The following SLC24A2 variants were observed in gnomAD, a reference collection of about 807,000 sequenced individuals.
The protein encoded by SLC24A2 is solute carrier family 24 member 2, also known as sodium/potassium/calcium exchanger 2.
Under a neutral mutation model 62.0 loss-of-function variants are expected in SLC24A2, and 36 were observed. The observed-to-expected ratio is 0.58, with a 90% CI of 0.44 to 0.77. SLC24A2 has a LOEUF of 0.77. Among genes scored for constraint, SLC24A2 ranks in the 30% least tolerant of loss-of-function variants. SLC24A2 has a pLI of 0.00. For synonymous variants in SLC24A2, 358 were observed against 294.0 expected (o/e 1.22, Z -2.23); for missense variants, 846 against 817.9 (o/e 1.03, Z -0.42).
the SLC24A2 span, among the ~76,000 whole-genome samples, chr9:20,086,790 G>T: frequency 1.3e-5 from 2 of 152,044 alleles, no homozygotes; most frequent in African/African-American, 4.8e-5. Context: ...TTTTCTTTTT[G>T]TTCCTGCCCG....
chr9:19,943,678 C>A, the SLC24A2 span, among the ~76,000 whole-genome samples: 1 of 152,022 alleles, frequency 6.6e-6, no homozygotes, highest in Non-Finnish European at 1.5e-5. Context: ...TATTTCTGAC[C>A]CAAGACACAG....
At chr9:20,143,676 A>G in the SLC24A2 span, among the ~76,000 whole-genome samples, 2 of 152,236 alleles carry the variant, frequency 1.3e-5, no homozygotes, top group African/African-American at 4.8e-5. Flanking sequence ...AGAGCTATTT[A>G]AATTCCCTAC....
At position 19,573,450 on chromosome 9, in the gene SLC24A2, G is replaced by A; in HGVS notation, c.1248C>T (p.Asn416=). Residue 416 remains asparagine (N), a synonymous_variant, in exon 7 of 11, where the codon AAC becomes AAT. Transcript: ENST00000341998. The stretch of plus-strand genomic sequence containing the variant: ...TCATTTCAACATCTGTGCTGGTGCT[G>A]TTTGGAAGCTCAATTTTTTCTGTGA... ...ANHVEKIELP[N]STSTDVEMTP... is the part of the protein sequence containing the mutation. 1.2e-6 allele frequency: 2 copies of A among 1,608,468 alleles called. No individual in the cohort carries two copies. The highest frequency in any genetic ancestry group is 1.7e-6 in the Non-Finnish European group (2 of 1,176,906).
the SLC24A2 span, among the ~76,000 whole-genome samples, chr9:19,995,034 G>C: frequency 6.6e-6 from 1 of 151,224 alleles, no homozygotes; most frequent in African/African-American, 2.4e-5. Context: ...TTAATTTGGC[G>C]GATGGTGAGG....
At chr9:20,040,604 C>T in the SLC24A2 span, among the ~76,000 whole-genome samples, 8 of 152,196 alleles carry the variant, frequency 5.3e-5, no homozygotes, top group East Asian at 1.2e-3. Flanking sequence ...TCTACTTTTC[C>T]AAGATCCACT....
the SLC24A2 span, among the ~76,000 whole-genome samples, chr9:19,991,081 T>C: frequency 6.0e-5 from 9 of 149,480 alleles, no homozygotes; most frequent in Admixed American, 6.0e-4. Context: ...TGAAAAGGAG[T>C]TTATTAAGGA....
At chr9:19,525,624 G>C (rs528974696) in intron 9 of SLC24A2, among the ~76,000 whole-genome samples, 1 of 151,272 alleles carries the variant, frequency 6.6e-6, no homozygotes, top group Non-Finnish European at 1.5e-5. Flanking sequence ...GGCTGATCTC[G>C]AACTCCTGGG....
At chr9:20,213,454 G>C in the SLC24A2 span, among the ~76,000 whole-genome samples, 4 of 148,690 alleles carry the variant, frequency 2.7e-5, no homozygotes, top group Non-Finnish European at 5.9e-5. Flanking sequence ...ACTGATACAA[G>C]GGATTAATGA....
chr9:19,771,075 G>T (rs892088592), intron 2 of SLC24A2, among the ~76,000 whole-genome samples: 4 of 152,278 alleles, frequency 2.6e-5, no homozygotes, highest in African/African-American at 9.6e-5. Context: ...TGGGGCTGCC[G>T]AGAGAAGGAA....
At chr9:19,706,363 C>T (rs1170357978) in intron 2 of SLC24A2, among the ~76,000 whole-genome samples, 1 of 149,756 alleles carries the variant, frequency 6.7e-6, no homozygotes, top group African/African-American at 2.5e-5. Context: ...ACACAGCACA[C>T]TGATGGGTCT....
intron 7 of SLC24A2, among the ~76,000 whole-genome samples, chr9:19,551,362 C>T (rs1050420552): frequency 1.3e-5 from 2 of 152,194 alleles, no homozygotes; most frequent in Admixed American, 6.5e-5. Context: ...TTGTCAGCCA[C>T]TGAAGTCAGT....
chr9:20,001,390 G>A, the SLC24A2 span, among the ~76,000 whole-genome samples: 1 of 152,186 alleles, frequency 6.6e-6, no homozygotes, highest in Non-Finnish European at 1.5e-5. Flanking sequence ...ATCTGGAAGG[G>A]GGTTAAGCCT....
At chr9:19,581,423 T>C (rs1410214490) in intron 5 of SLC24A2, among the ~76,000 whole-genome samples, 2 of 152,110 alleles carry the variant, frequency 1.3e-5, no homozygotes, top group African/African-American at 4.8e-5. Flanking sequence ...AAGAACCTCA[T>C]GAAGCACCAG....
the SLC24A2 span, among the ~76,000 whole-genome samples, chr9:19,964,608 A>T: frequency 6.6e-5 from 10 of 152,256 alleles, no homozygotes; most frequent in Non-Finnish European, 1.0e-4. Context: ...CCATATGTCC[A>T]CTTGGTTGGA....
At chr9:19,589,086 C>T (rs977165443) in intron 5 of SLC24A2, among the ~76,000 whole-genome samples, 98 of 152,286 alleles carry the variant, frequency 6.4e-4, no homozygotes, top group African/African-American at 2.3e-3. Flanking sequence ...ACTCTTTGAT[C>T]TGGCATTTCT....
intron 4 of SLC24A2, among the ~76,000 whole-genome samples, chr9:19,609,470 C>G (rs1487452877): frequency 6.6e-6 from 1 of 152,156 alleles, no homozygotes; most frequent in African/African-American, 2.4e-5. Flanking sequence ...TTTTGTACTT[C>G]TTTGTTGAAA....
At chr9:20,276,836 C>A in the SLC24A2 span, among the ~76,000 whole-genome samples, 1 of 152,230 alleles carries the variant, frequency 6.6e-6, no homozygotes, top group Non-Finnish European at 1.5e-5. Flanking sequence ...GGGGCTTGCA[C>A]CCTCTGAAGC....
At chr9:19,606,947 T>C (rs544506865) in intron 4 of SLC24A2, among the ~76,000 whole-genome samples, 1 of 152,282 alleles carries the variant, frequency 6.6e-6, no homozygotes, top group African/African-American at 2.4e-5. Context: ...CACATGAGTG[T>C]TGTGGCCAGT....
the SLC24A2 span, among the ~76,000 whole-genome samples, chr9:20,022,896 C>T: frequency 2.6e-5 from 4 of 152,290 alleles, no homozygotes; most frequent in South Asian, 8.3e-4. Flanking sequence ...TTATTCTATG[C>T]ATGTTCACCA....
Sources: allele counts gnomAD v4.1 joint callset (sites outside exome capture counted in the v4.1 genomes callset), GRCh38; gene constraint gnomAD v4.1.1; transcripts MANE v1.5; gene names NCBI Gene and HGNC (gene_info 2026-07-23, HGNC 2026-07-21).